PRELID2: variants seen among roughly 807,000 people sequenced by gnomAD.
PRELID2 encodes the protein PRELI domain containing 2.
Under a neutral mutation model 28.4 loss-of-function variants are expected in PRELID2, and 25 were observed. That is an observed-to-expected ratio of 0.88 (90% CI 0.64 to 1.23). PRELID2 has a LOEUF of 1.23. PRELID2 is among the 50% of genes most tolerant of loss of function. The pLI, the probability that PRELID2 is intolerant of heterozygous loss-of-function variation, is 0.00. For missense variants in PRELID2, 201 were observed against 214.4 expected (o/e 0.94, Z 0.39); for synonymous variants, 76 against 71.6 (o/e 1.06, Z -0.31).
intron 1 of PRELID2, among the ~76,000 whole-genome samples, chr5:145,513,538 A>G (rs1232188021): frequency 6.6e-6 from 1 of 152,170 alleles, no homozygotes; most frequent in Non-Finnish European, 1.5e-5. Flanking sequence ...GATGGGGAGA[A>G]TGAAACCCAG....
intron 1 of PRELID2, among the ~76,000 whole-genome samples, chr5:145,698,883 T>C (rs1755342608): frequency 6.6e-6 from 1 of 152,122 alleles, no homozygotes; most frequent in African/African-American, 2.4e-5. Context: ...TGCGCCACCA[T>C]GCCCGGCTAA....
intron 5 of PRELID2, among the ~76,000 whole-genome samples, chr5:145,770,404 T>C (rs1226122443): frequency 6.6e-6 from 1 of 152,094 alleles, no homozygotes. Flanking sequence ...CCTGTAGTCT[T>C]ACCTACTTAG....
chr5:145,723,428 ACCATTTTGG>A (rs1756046313), intron 1 of PRELID2, among the ~76,000 whole-genome samples: 1 of 151,930 alleles, frequency 6.6e-6, no homozygotes. Context: ...GATTATTGAG[ACCATTTTGG>A]AACGTTTGCA....
At chr5:145,425,908 A>C in the PRELID2 span, among the ~76,000 whole-genome samples, 34 of 152,278 alleles carry the variant, frequency 2.2e-4, no homozygotes, top group South Asian at 6.0e-3. Flanking sequence ...CCACTCCCAC[A>C]CAGCCTTCCC....
At chr5:145,518,462 G>T (rs1054849009) in intron 1 of PRELID2, among the ~76,000 whole-genome samples, 21 of 152,014 alleles carry the variant, frequency 1.4e-4, no homozygotes, top group Non-Finnish European at 2.4e-4. Flanking sequence ...CCTCCCAAAG[G>T]GCTGGGATTA....
intron 1 of PRELID2, among the ~76,000 whole-genome samples, chr5:145,720,475 A>C (rs1349814095): frequency 6.6e-6 from 1 of 152,024 alleles, no homozygotes; most frequent in East Asian, 1.9e-4. Flanking sequence ...AGAGGAAAAA[A>C]AATGTGAACC....
At chr5:145,751,937 G>A (rs917867927), downstream of PRELID2, among the ~76,000 whole-genome samples, 5 of 152,140 alleles carry the variant, frequency 3.3e-5, no homozygotes, top group South Asian at 2.1e-4. Context: ...AGCTGAGATC[G>A]TGCCATTGCT....
intron 5 of PRELID2, among the ~76,000 whole-genome samples, chr5:145,771,323 C>T (rs587224): frequency 0.89 from 135,500 of 151,970 alleles, 60,446 homozygotes; most frequent in East Asian, 0.99. Context: ...GGTTTGTGGA[C>T]GTGCACTCTA....
chr5:145,405,544 G>A, the PRELID2 span, among the ~76,000 whole-genome samples: 10 of 151,990 alleles, frequency 6.6e-5, no homozygotes. Context: ...TTCCCTTCAT[G>A]TGGGTGCAAA....
At chr5:145,450,700 T>C in the PRELID2 span, 1 of 152,202 alleles carries the variant, frequency 6.6e-6, no homozygotes, top group Non-Finnish European at 1.5e-5. Context: ...GTGTCTAAGA[T>C]GCTAGAAATG....
chr5:145,242,373 T>G, the PRELID2 span, among the ~76,000 whole-genome samples: 1 of 151,948 alleles, frequency 6.6e-6, no homozygotes, highest in East Asian at 1.9e-4. Flanking sequence ...AAATATAGAG[T>G]TAAATGGCTC....
intron 1 of PRELID2, among the ~76,000 whole-genome samples, chr5:145,495,838 C>T (rs983631730): frequency 3.5e-4 from 53 of 152,172 alleles, no homozygotes; most frequent in African/African-American, 1.3e-3. Context: ...AAGCTCTAAA[C>T]TCTTCAATTC....
chr5:145,469,120 C>T (rs1376121932), downstream of PRELID2, among the ~76,000 whole-genome samples: 1 of 152,068 alleles, frequency 6.6e-6, no homozygotes, highest in Non-Finnish European at 1.5e-5. Context: ...TAAGTAGCAG[C>T]CCCTCTCTTC....
chr5:145,623,454 A>T (rs1753800866), intron 1 of PRELID2, among the ~76,000 whole-genome samples: 1 of 127,740 alleles, frequency 7.8e-6, no homozygotes, highest in Non-Finnish European at 1.7e-5. Context: ...TCTCAAAAAA[A>T]AATAAATAAA....
intron 1 of PRELID2, among the ~76,000 whole-genome samples, chr5:145,492,303 C>T (rs1752276465): frequency 6.6e-6 from 1 of 152,040 alleles, no homozygotes; most frequent in South Asian, 2.1e-4. Flanking sequence ...TCATATATAC[C>T]TGTTGGCCAT....
At chr5:145,246,505 T>C in the PRELID2 span, among the ~76,000 whole-genome samples, 1 of 152,078 alleles carries the variant, frequency 6.6e-6, no homozygotes, top group African/African-American at 2.4e-5. Flanking sequence ...CTAGTTTAGA[T>C]TGAGAAAGCC....
At chr5:145,647,970 G>A (rs1754226048) in intron 1 of PRELID2, among the ~76,000 whole-genome samples, 1 of 152,178 alleles carries the variant, frequency 6.6e-6, no homozygotes, top group African/African-American at 2.4e-5. Context: ...GTAGACCAGA[G>A]CTGTTCCTAT....
intron 4 of PRELID2, among the ~76,000 whole-genome samples, chr5:145,799,362 A>T (rs1752980122): frequency 6.6e-6 from 1 of 152,160 alleles, no homozygotes; most frequent in African/African-American, 2.4e-5. Flanking sequence ...TTTGGATTAC[A>T]CTTAACTTTG....
intron 1 of PRELID2, among the ~76,000 whole-genome samples, chr5:145,548,740 C>T (rs1752807905): frequency 6.6e-6 from 1 of 152,154 alleles, no homozygotes; most frequent in African/African-American, 2.4e-5. Flanking sequence ...TCAGTCTTGC[C>T]ATCTTGCCCT....
Sources: allele counts gnomAD v4.1 joint callset (sites outside exome capture counted in the v4.1 genomes callset), GRCh38; gene constraint gnomAD v4.1.1; transcripts MANE v1.5; gene names NCBI Gene and HGNC (gene_info 2026-07-23, HGNC 2026-07-21).